The following CPEB3 variants were observed in gnomAD, a reference collection of about 807,000 sequenced individuals.
CPEB3 encodes the protein cytoplasmic polyadenylation element binding protein 3.
CPEB3 carries 20 observed loss-of-function variants against 67.2 expected under a neutral mutation model. That is an observed-to-expected ratio of 0.30 (90% CI 0.21 to 0.43). The LOEUF (loss-of-function observed/expected upper bound fraction) is 0.43. Ranked by LOEUF, CPEB3 falls within the 20% of genes least tolerant of loss-of-function variation. The probability of loss-of-function intolerance (pLI) is 1.00; values close to 1 mark genes in which losing one functional copy is unlikely to be tolerated. For synonymous variants in CPEB3, 376 were observed against 393.1 expected (o/e 0.96, Z 0.51); for missense variants, 746 against 968.6 (o/e 0.77, Z 3.05).
At chr10:92,289,747 A>ATGTAT (rs1842733099) in intron 1 of CPEB3, among the ~76,000 whole-genome samples, 5 of 115,370 alleles carry the variant, frequency 4.3e-5, no homozygotes, top group African/African-American at 2.0e-4. Flanking sequence ...ATATATATAT[A>ATGTAT]TATATATATA....
chr10:92,224,263 C>T (rs1328020129), intron 2 of CPEB3, among the ~76,000 whole-genome samples: 3 of 152,072 alleles, frequency 2.0e-5, no homozygotes, highest in Admixed American at 6.6e-5. Flanking sequence ...ACTGGTTTCC[C>T]GAGTTTGGTT....
chr10:92,210,833 T>A (rs1270710082), intron 2 of CPEB3, among the ~76,000 whole-genome samples: 3 of 151,920 alleles, frequency 2.0e-5, no homozygotes, highest in Non-Finnish European at 4.4e-5. Context: ...AGGTCAGGAG[T>A]TCGAGACCAG....
chr10:92,288,533 T>C (rs1424378801), intron 1 of CPEB3, among the ~76,000 whole-genome samples: 1 of 152,136 alleles, frequency 6.6e-6, no homozygotes, highest in East Asian at 1.9e-4. Context: ...TGTTTTCATT[T>C]CTCTTGAAAA....
At chr10:92,251,471 A>G (rs1456681756) in intron 1 of CPEB3, among the ~76,000 whole-genome samples, 1 of 152,160 alleles carries the variant, frequency 6.6e-6, no homozygotes, top group African/African-American at 2.4e-5. Context: ...TAAGCAAATA[A>G]ACAGAACAAA....
At position 92,146,797 on chromosome 10, in the gene CPEB3, A is replaced by C. The variant is rs545996845; in HGVS notation, c.1223-1712T>G. Among the ~76,000 whole-genome samples, 4 of 152,332 alleles carry C rather than the reference A, an allele frequency of 2.6e-5. No homozygotes were observed. The South Asian group carries it at 8.3e-4, about 32-fold the overall frequency. On this transcript the variant is annotated intron_variant, in intron 4 of 9. Transcript: ENST00000265997. ...AGCCTGGCAGCAACAAACAATAGAC[A>C]GTAAATTCTCATCCCTTGATGTTTG... is the stretch of plus-strand genomic sequence containing the variant.
intron 1 of CPEB3, among the ~76,000 whole-genome samples, chr10:92,253,468 A>C (rs1259436877): frequency 2.7e-5 from 4 of 150,030 alleles, no homozygotes; most frequent in African/African-American, 7.3e-5. Flanking sequence ...CAAAACAAAA[A>C]AAAAAAAAAA....
chr10:92,143,581 T>C (rs1846540844), intron 5 of CPEB3, among the ~76,000 whole-genome samples: 1 of 152,192 alleles, frequency 6.6e-6, no homozygotes, highest in Non-Finnish European at 1.5e-5. Context: ...AAGTAGGTAA[T>C]TCTATTGGGT....
In CPEB3 at chr10:92,134,638, T is replaced by C. The variant is rs1319880325; in HGVS notation, c.1453+8391A>G. On this transcript the variant is annotated intron_variant, in intron 6 of 9. Coordinates refer to ENST00000265997, the MANE Select transcript of CPEB3 (RefSeq NM_014912.5). The stretch of plus-strand genomic sequence containing the variant: ...CATCCCCATCAAGCTACCAATGACT[T>C]TCTTCACAGAATTGGAAAAAACTAC... 3.9e-5 allele frequency among the ~76,000 whole-genome samples: 6 copies of C among 151,956 alleles called. 1 individual carries two copies. Among genetic ancestry groups the C allele is most frequent in the Non-Finnish European group, 7.4e-5 (5 of 67,904 alleles).
At chr10:92,272,010 T>G (rs1258095704) in intron 1 of CPEB3, 1 of 152,200 alleles carries the variant, frequency 6.6e-6, no homozygotes, top group Non-Finnish European at 1.5e-5. Flanking sequence ...TTTATTTCTA[T>G]GGGTCCATAA....
intron 1 of CPEB3, among the ~76,000 whole-genome samples, chr10:92,249,347 C>A (rs1293548404): frequency 6.7e-6 from 1 of 150,188 alleles, no homozygotes; most frequent in African/African-American, 2.5e-5. Context: ...CCACTGCACT[C>A]CAGTCTGGTG....
In CPEB3 at chr10:92,117,377, T is replaced by C. The variant is rs1845093311; in HGVS notation, c.1454-6183A>G. On this transcript the variant is annotated intron_variant, in intron 6 of 9. Transcript: ENST00000265997. ...AGGAGTCTCGCTCTGTTGCCCATGC[T>C]GGAGTGCAGTGGTGTGATCTTGGCT... 2.1e-5 allele frequency among the ~76,000 whole-genome samples: 3 copies of C among 140,978 alleles called. No individual in the cohort carries two copies. The Admixed American group carries it at 2.2e-4, about 11-fold the overall frequency. 92.5% of individuals were successfully genotyped at this position (140,978 alleles called of 152,430 possible).
intron 7 of CPEB3, among the ~76,000 whole-genome samples, chr10:92,100,490 G>T (rs1844125022): frequency 6.6e-6 from 1 of 152,086 alleles, no homozygotes; most frequent in Non-Finnish European, 1.5e-5. Flanking sequence ...TGGTCAGGCT[G>T]GTCTCGAACT....
chr10:92,265,138 C>T (rs1358477773), intron 1 of CPEB3, among the ~76,000 whole-genome samples: 1 of 150,462 alleles, frequency 6.6e-6, no homozygotes, highest in East Asian at 2.0e-4. Context: ...CCAGCCTGGG[C>T]AACACAGCGA....
intron 1 of CPEB3, among the ~76,000 whole-genome samples, chr10:92,253,475 A>AG (rs887793423): frequency 2.0e-5 from 3 of 151,098 alleles, no homozygotes; most frequent in African/African-American, 7.3e-5. Flanking sequence ...AAAAAAAAAA[A>AG]AAAAAAAAAG....
chr10:92,088,817 A>T (rs1843489565), intron 8 of CPEB3, among the ~76,000 whole-genome samples: 1 of 152,244 alleles, frequency 6.6e-6, no homozygotes, highest in African/African-American at 2.4e-5. Flanking sequence ...AAATGCTTAA[A>T]ATAGTTTTAG....
intron 2 of CPEB3, among the ~76,000 whole-genome samples, chr10:92,233,256 C>T (rs962558519): frequency 5.3e-5 from 8 of 152,014 alleles, no homozygotes; most frequent in Admixed American, 2.0e-4. Flanking sequence ...GGGCCAGATG[C>T]GGTGGCTCAC....
intron 9 of CPEB3, among the ~76,000 whole-genome samples, chr10:92,071,473 T>C (rs1339478514): frequency 1.3e-5 from 2 of 152,284 alleles, no homozygotes; most frequent in East Asian, 3.9e-4. Context: ...GGCTCACACC[T>C]GTAATCCCAG....
intron 4 of CPEB3, among the ~76,000 whole-genome samples, chr10:92,179,680 T>C (rs7071524): frequency 0.35 from 53,673 of 152,032 alleles, 10,680 homozygotes; most frequent in African/African-American, 0.53. Context: ...TAAGACCATC[T>C]CCCTAACCCT....
intron 1 of CPEB3, among the ~76,000 whole-genome samples, chr10:92,286,300 A>G (rs1842523406): frequency 6.6e-6 from 1 of 151,980 alleles, no homozygotes; most frequent in East Asian, 1.9e-4. Flanking sequence ...AAGGGTAGCT[A>G]TAGGCCAGGC....
Sources: gnomAD v4.1 joint callset for allele counts (sites outside exome capture counted in the v4.1 genomes callset) on GRCh38, gnomAD v4.1.1 for gene constraint, MANE v1.5 for transcripts, NCBI Gene and HGNC (gene_info 2026-07-23, HGNC 2026-07-21) for gene names.